Variants in MAP3K1 observed in about 807,000 individuals in gnomAD.
MAP3K1 encodes MAP/ERK kinase kinase 1.
In MAP3K1, 36 loss-of-function variants were observed where a neutral mutation model predicts 144.2. The ratio of observed to expected loss-of-function variants is 0.25; its 90% CI spans 0.19 to 0.33. The LOEUF (loss-of-function observed/expected upper bound fraction) is 0.33. MAP3K1 is among the 10% of genes least tolerant of loss of function. MAP3K1 has a pLI of 1.00. For missense variants in MAP3K1, 1,650 were observed against 1,881.9 expected (o/e 0.88, Z 2.28); for synonymous variants, 718 against 688.7 (o/e 1.04, Z -0.67).
intron 6 of MAP3K1, among the ~76,000 whole-genome samples, chr5:56,869,589 T>C (rs1485974346): frequency 1.3e-5 from 2 of 152,178 alleles, no homozygotes; most frequent in African/African-American, 4.8e-5. Context: ...ATCTGAACAA[T>C]GCTTACAAAA....
intron 11 of MAP3K1, 63 bp from the exon 12 acceptor site, chr5:56,880,648 T>C: frequency 9.2e-7 from 1 of 1,083,856 alleles, no homozygotes; most frequent in South Asian, 1.3e-5. Context: ...ACATTACTCC[T>C]CTAATATTGT....
chr5:56,828,789 A>G (rs746713803), intron 1 of MAP3K1, among the ~76,000 whole-genome samples: 2 of 152,112 alleles, frequency 1.3e-5, no homozygotes, highest in Non-Finnish European at 2.9e-5. Context: ...TAAAGAAGGG[A>G]CATTTTTGGA....
rs766783359 is a variant in MAP3K1 at position 56,881,142 on chromosome 5, G to C, written c.2239G>C (p.Glu747Gln). The change falls in exon 13 of 20, where the codon GAA becomes CAA. Residue 747 changes from glutamate (E) to glutamine (Q), a missense_variant. By Grantham distance (29) the Glu-to-Gln change is conservative. Coordinates refer to ENST00000399503, the MANE Select transcript of MAP3K1 (RefSeq NM_005921.2). The stretch of plus-strand genomic sequence containing the variant: ...AAATTGTATTCTTGGAAACCAAACT[G>C]AATCAAACAATTGGCAAGAACTTCT... ...VLNCILGNQT[E>Q]SNNWQELLGR... 6.2e-7 allele frequency: 1 copy of C among 1,613,784 alleles called. No homozygotes were observed. The highest frequency in any genetic ancestry group is 8.5e-7 in the Non-Finnish European group (1 of 1,179,874).
chr5:56,864,099 GAT>G (rs1220810961), intron 3 of MAP3K1, among the ~76,000 whole-genome samples: 1 of 152,168 alleles, frequency 6.6e-6, no homozygotes, highest in Non-Finnish European at 1.5e-5. Context: ...GCCTGCTTAT[GAT>G]ATATACTTTC....
intron 3 of MAP3K1, among the ~76,000 whole-genome samples, chr5:56,860,248 CCA>C (rs746360193): frequency 3.9e-5 from 6 of 152,048 alleles, no homozygotes; most frequent in Non-Finnish European, 5.9e-5. Flanking sequence ...GAAAAAAATG[CCA>C]GTTACACTTG....
intron 11 of MAP3K1, 55 bp from the exon 12 acceptor site, chr5:56,880,656 T>C (rs1036568373): frequency 8.6e-7 from 1 of 1,156,352 alleles, no homozygotes. Context: ...CCTCTAATAT[T>C]GTATAGTGTT....
intron 17 of MAP3K1, 91 bp from the exon 18 acceptor site, chr5:56,887,287 A>T: frequency 8.2e-7 from 1 of 1,217,554 alleles, no homozygotes; most frequent in East Asian, 2.4e-5. Context: ...TTCTTTTGTC[A>T]TTGTCCTAGT....
Position 56,882,397 on chromosome 5 carries a change from C to A in MAP3K1, c.3197C>A (p.Thr1066Asn). 6.2e-7 allele frequency: 1 copy of A among 1,613,994 alleles called. No homozygotes were observed. The highest frequency in any genetic ancestry group is 1.3e-5 in the African/African-American group (1 of 75,046). Reference sequence around the variant, plus strand: ...CACAGGCCAAAGCCATCTAGACCTACCCCAGGTAATACAAGTAAACAGGGA... The same window carrying A: ...CACAGGCCAAAGCCATCTAGACCTAACCCAGGTAATACAAGTAAACAGGGA... The part of the protein sequence containing the change: ...NIHRPKPSRP[T>N]PGNTSKQGDP... Residue 1066 changes from threonine (T) to asparagine (N), a missense_variant, in exon 14 of 20, where the codon ACC (threonine) becomes AAC (asparagine). By Grantham distance (65) the Thr-to-Asn change is moderately conservative. This residue lies in a region of MAP3K1 where 841 missense variants were observed against 886.5 expected (regional missense o/e 0.95). Coordinates refer to ENST00000399503, the MANE Select transcript of MAP3K1 (RefSeq NM_005921.2).
At chr5:56,855,123 TTTTCTCCTCCTCC>T (rs779249341) in intron 1 of MAP3K1, among the ~76,000 whole-genome samples, 5 of 151,636 alleles carry the variant, frequency 3.3e-5, no homozygotes, top group Non-Finnish European at 7.4e-5. Flanking sequence ...CCCTCCTCCT[TTTTCTCCTCCTCC>T]TTTCTTCTCT....
At chr5:56,860,756 G>A (rs1387803428) in intron 3 of MAP3K1, among the ~76,000 whole-genome samples, 1 of 152,072 alleles carries the variant, frequency 6.6e-6, no homozygotes, top group East Asian at 1.9e-4. Context: ...GGGGGGCTGA[G>A]GCAGGAGAAT....
intron 1 of MAP3K1, among the ~76,000 whole-genome samples, chr5:56,822,428 C>A (rs1331312989): frequency 6.6e-6 from 1 of 152,184 alleles, no homozygotes; most frequent in African/African-American, 2.4e-5. Context: ...AGTGTAGTTA[C>A]AAAATAATTG....
chr5:56,833,597 C>T (rs894622303), intron 1 of MAP3K1, among the ~76,000 whole-genome samples: 2 of 152,158 alleles, frequency 1.3e-5, no homozygotes, highest in Non-Finnish European at 2.9e-5. Flanking sequence ...CATTCTGAAA[C>T]GTGTGTCTTT....
intron 2 of MAP3K1, among the ~76,000 whole-genome samples, chr5:56,858,764 T>A (rs1747412992): frequency 6.6e-6 from 1 of 152,158 alleles, no homozygotes; most frequent in African/African-American, 2.4e-5. Flanking sequence ...GTCTTGCTGG[T>A]AGACTTCAGG....
intron 6 of MAP3K1, among the ~76,000 whole-genome samples, chr5:56,868,362 A>G (rs576545933): frequency 1.3e-5 from 2 of 152,074 alleles, no homozygotes; most frequent in Admixed American, 6.5e-5. Context: ...AATGAGTACA[A>G]AGATGTTTGT....
At chr5:56,880,665 T>G in intron 11 of MAP3K1, 46 bp from the exon 12 acceptor site, 1 of 1,318,964 alleles carries the variant, frequency 7.6e-7, no homozygotes, top group East Asian at 2.3e-5. Flanking sequence ...TTGTATAGTG[T>G]TTTAGCCAAG....
At position 56,865,868 on chromosome 5, in the gene MAP3K1, T is replaced by A. The variant is rs886602536; in HGVS notation, c.1192T>A (p.Ser398Thr). The change falls in exon 6 of 20, where the codon TCA becomes ACA. Residue 398 changes from serine to threonine, a missense_variant. Ser to Thr is a moderately conservative substitution (Grantham distance 58, BLOSUM62 1). Around this residue, in one of 6 missense-constraint regions of MAP3K1, gnomAD observed 125 missense variants for 179.9 expected, o/e 0.69. Coordinates refer to ENST00000399503, the MANE Select transcript of MAP3K1 (RefSeq NM_005921.2). ...LFQKYHSRRS[S>T]RIKAPSRNTI... ...CCAGAAATATCACAGTAGGCGTAGC[T>A]CAAGGATCAAAGCTCCATCTCGTAA... 1.2e-6 allele frequency: 2 copies of A among 1,614,118 alleles called. No homozygotes were observed. The highest frequency in any genetic ancestry group is 1.7e-6 in the Non-Finnish European group (2 of 1,179,962).
chr5:56,874,078 A>G (rs1428184257), intron 9 of MAP3K1, among the ~76,000 whole-genome samples: 2 of 152,196 alleles, frequency 1.3e-5, no homozygotes, highest in Non-Finnish European at 2.9e-5. Context: ...TAAGCATGTT[A>G]GGTAAGACAG....
chr5:56,880,627 C>G, intron 11 of MAP3K1, 84 bp from the exon 12 acceptor site: 1 of 880,648 alleles, frequency 1.1e-6, no homozygotes, highest in Non-Finnish European at 1.9e-6. Flanking sequence ...TCCACTTTTT[C>G]ACAAGGCATT....
At position 56,882,410 on chromosome 5, in the gene MAP3K1, A is replaced by C. The variant is rs1488304768; in HGVS notation, c.3210A>C (p.Thr1070=). ...CATCTAGACCTACCCCAGGTAATAC[A>C]AGTAAACAGGGAGATCCCTCAAAAA... The part of the protein sequence containing the change: ...PKPSRPTPGN[T]SKQGDPSKNS... The change falls in exon 14 of 20, where the codon ACA becomes ACC. Residue 1070 remains threonine, a synonymous_variant. Transcript: ENST00000399503. 1 of 1,614,028 alleles carries C rather than the reference A, an allele frequency of 6.2e-7. No homozygotes were observed. Among genetic ancestry groups the C allele is most frequent in the East Asian group, 2.2e-5 (1 of 44,890 alleles).
Sources: gnomAD v4.1 joint callset for allele counts (sites outside exome capture counted in the v4.1 genomes callset) on GRCh38, gnomAD v4.1.1 for gene constraint, gnomAD v4.1.1 regional missense constraint, MANE v1.5 for transcripts, NCBI Gene and HGNC (gene_info 2026-07-23, HGNC 2026-07-21) for gene names.